Variants in PLA2G1B observed in about 807,000 individuals in gnomAD.
PLA2G1B encodes phospholipase A2 group IB, also known as phospholipase A2.
In PLA2G1B, 12 loss-of-function variants were observed where a neutral mutation model predicts 12.5. That is an observed-to-expected ratio of 0.96 (90% CI 0.62 to 1.56). The LOEUF (loss-of-function observed/expected upper bound fraction) is 1.56. PLA2G1B is among the 40% of genes most tolerant of loss of function. PLA2G1B has a pLI of 0.00. For missense variants in PLA2G1B, 189 were observed against 186.7 expected, an observed-to-expected ratio of 1.01 and a Z score of -0.07; for synonymous variants, 81 against 73.4, an observed-to-expected ratio of 1.10 and a Z score of -0.53.
In PLA2G1B at chr12:120,324,979, G is replaced by C; in HGVS notation, c.277C>G (p.His93Asp). 6.2e-7 allele frequency: 1 copy of C among 1,613,992 alleles called. No individual in the cohort carries two copies. The highest frequency in any genetic ancestry group is 8.5e-7 in the Non-Finnish European group (1 of 1,179,938). ...CCAGAGCACGAGTATGAATAGGTGT[G>C]GGTGTACGGGTTGTCCAGCAGAAAT... ...CKFLLDNPYT[H>D]TYSYSCSGSA... Residue 93 changes from histidine (H) to aspartate (D), a missense_variant, in exon 3 of 4, where the codon CAC becomes GAC. His to Asp is a moderately conservative substitution (Grantham distance 81, BLOSUM62 -1). Transcript: ENST00000308366.
In PLA2G1B at chr12:120,322,304, C is replaced by T. The variant is rs745394019; in HGVS notation, c.336G>A (p.Glu112=). 2.1e-5 allele frequency: 34 copies of T among 1,613,982 alleles called. No homozygotes were observed. In the South Asian group the frequency reaches 3.7e-4, roughly 18 times the overall value. The change falls in exon 4 of 4, where the codon GAG becomes GAA. Residue 112 remains glutamate, a synonymous_variant. Transcript: ENST00000308366. The part of the protein sequence containing the change: ...SAITCSSKNK[E]CEAFICNCDR... Reference sequence around the variant, plus strand: ...CGCAGTTGCAAATGAAGGCCTCACACTCTTTGTTTTTGCCTGGAGAGGGAT... The same window carrying T: ...CGCAGTTGCAAATGAAGGCCTCACATTCTTTGTTTTTGCCTGGAGAGGGAT...
chr12:120,323,108 A>T (rs1179387), intron 3 of PLA2G1B, among the ~76,000 whole-genome samples: 1 of 152,152 alleles, frequency 6.6e-6, no homozygotes, highest in South Asian at 2.1e-4. Flanking sequence ...ATTTATGTAG[A>T]GTTTGAAGTT....
At chr12:120,322,354 G>A (rs1217624993) in intron 3 of PLA2G1B, 37 bp from the exon 4 acceptor site, 2 of 1,602,256 alleles carry the variant, frequency 1.2e-6, no homozygotes, top group Non-Finnish European at 1.7e-6. Context: ...GAGCCAAGGT[G>A]GACCCTGTTT....
Position 120,325,075 on chromosome 12 carries a change from G to A in PLA2G1B, c.195-14C>T. 1 of 1,613,924 alleles carries A rather than the reference G, an allele frequency of 6.2e-7. No homozygotes were observed. Among genetic ancestry groups the A allele is most frequent in the South Asian group, 1.1e-5 (1 of 91,068 alleles). ...GTCTGGCAGCACCTGGAAAGTGGGA[G>A]GGACAGCTGAGATAGGAGTAAGTGC... On this transcript the variant is annotated splice_polypyrimidine_tract_variant and intron_variant, in intron 2 of 3. Coordinates refer to ENST00000308366, the MANE Select transcript of PLA2G1B (RefSeq NM_000928.3).
chr12:120,327,102 T>C (rs183880465), intron 1 of PLA2G1B, among the ~76,000 whole-genome samples: 1 of 151,944 alleles, frequency 6.6e-6, no homozygotes, highest in Non-Finnish European at 1.5e-5. Context: ...GGTGAAAACC[T>C]GTCTCTACCA....
At chr12:120,325,637 C>A (rs2070873) in intron 2 of PLA2G1B, among the ~76,000 whole-genome samples, 25,552 of 152,230 alleles carry the variant, frequency 0.17, 2,594 homozygotes, top group East Asian at 0.52. Context: ...CACTGGAGGG[C>A]AGCATCGCCC....
intron 1 of PLA2G1B, among the ~76,000 whole-genome samples, chr12:120,326,540 G>C (rs1393349666): frequency 6.7e-6 from 1 of 148,166 alleles, no homozygotes; most frequent in African/African-American, 2.5e-5. Context: ...TATGTGCCAG[G>C]CTCTGTCCTA....
chr12:120,324,018 TAGAC>T (rs773153567), intron 3 of PLA2G1B, among the ~76,000 whole-genome samples: 6 of 152,146 alleles, frequency 3.9e-5, no homozygotes, highest in South Asian at 2.1e-4. Flanking sequence ...ATAAAGAAAA[TAGAC>T]AGTAATCGGC....
chr12:120,322,447 T>C, intron 3 of PLA2G1B, 130 bp from the exon 4 acceptor site: 2 of 766,938 alleles, frequency 2.6e-6, no homozygotes, highest in Non-Finnish European at 4.2e-6. Context: ...ACAGATTAAG[T>C]GAATACAAGT....
At chr12:120,327,318 A>C (rs1873371504) in intron 1 of PLA2G1B, among the ~76,000 whole-genome samples, 1 of 151,906 alleles carries the variant, frequency 6.6e-6, no homozygotes, top group South Asian at 2.1e-4. Flanking sequence ...GTAAAATAAA[A>C]ATAAAAATTA....
intron 3 of PLA2G1B, among the ~76,000 whole-genome samples, chr12:120,322,726 A>G (rs889161840): frequency 7.2e-5 from 11 of 152,122 alleles, no homozygotes; most frequent in African/African-American, 2.7e-4. Context: ...AGCTGGGACT[A>G]CAGGTGCTCG....
At chr12:120,325,431 C>T (rs1873321623) in intron 2 of PLA2G1B, among the ~76,000 whole-genome samples, 1 of 152,118 alleles carries the variant, frequency 6.6e-6, no homozygotes, top group African/African-American at 2.4e-5. Context: ...AACTCCTGAC[C>T]TCAAGTGATC....
At chr12:120,326,486 A>T (rs1873351268) in intron 1 of PLA2G1B, among the ~76,000 whole-genome samples, 2 of 148,748 alleles carry the variant, frequency 1.3e-5, no homozygotes, top group East Asian at 2.0e-4. Context: ...ATAGTTTTAA[A>T]CTATCTGCAC....
chr12:120,327,532 A>G (rs1873374817), intron 1 of PLA2G1B, among the ~76,000 whole-genome samples, 188 bp downstream of exon 1: 1 of 152,156 alleles, frequency 6.6e-6, no homozygotes, highest in Non-Finnish European at 1.5e-5. Context: ...TCAGACTTGC[A>G]GGTTGAAAAA....
chr12:120,327,693 C>T (rs780005031), intron 1 of PLA2G1B, 27 bp downstream of exon 1: 24 of 1,610,186 alleles, frequency 1.5e-5, no homozygotes, highest in South Asian at 1.4e-4. Flanking sequence ...GAGAGAAAGG[C>T]GGGTGGAGCC....
At chr12:120,327,326 TTAAAA>T (rs1223441867) in intron 1 of PLA2G1B, among the ~76,000 whole-genome samples, 3 of 151,556 alleles carry the variant, frequency 2.0e-5, no homozygotes, top group African/African-American at 7.3e-5. Context: ...AAAATAAAAA[TTAAAA>T]TAAAATAAAA....
At chr12:120,326,240 GTGTA>G in intron 1 of PLA2G1B, 1 of 328,442 alleles carries the variant, frequency 3.0e-6, no homozygotes, top group Non-Finnish European at 5.4e-6. Flanking sequence ...CTTTGTGTGT[GTGTA>G]TATATATATA....
rs368499738 is a variant in PLA2G1B at position 120,325,863 on chromosome 12, G to A, written c.192C>T (p.Asp64=). 2.5e-6 allele frequency: 4 copies of A among 1,613,666 alleles called. No homozygotes were observed. The highest frequency in any genetic ancestry group is 2.7e-5 in the African/African-American group (2 of 74,892). Residue 64 remains aspartate (D), a splice_region_variant and synonymous_variant, in exon 2 of 4, where the codon GAC becomes GAT. Coordinates refer to ENST00000308366, the MANE Select transcript of PLA2G1B (RefSeq NM_000928.3). Reference sequence around the variant, plus strand: ...TTTCCTGCAGGCGGATCACTTACTTGTCCAGTTCATCCACGGGGGTGCCTG... The same window carrying A: ...TTTCCTGCAGGCGGATCACTTACTTATCCAGTTCATCCACGGGGGTGCCTG... ...GGSGTPVDEL[D]KCCQTHDNCY...
intron 1 of PLA2G1B, among the ~76,000 whole-genome samples, chr12:120,326,864 G>C (rs1183013106): frequency 6.6e-6 from 1 of 151,922 alleles, no homozygotes; most frequent in Non-Finnish European, 1.5e-5. Context: ...CCAGCTACTG[G>C]GGAGGCTGAG....
Sources: gnomAD v4.1 joint callset for allele counts (sites outside exome capture counted in the v4.1 genomes callset) on GRCh38, gnomAD v4.1.1 for gene constraint, MANE v1.5 for transcripts, NCBI Gene and HGNC (gene_info 2026-07-23, HGNC 2026-07-21) for gene names.